The following SKAP1 variants were observed in gnomAD, a reference collection of about 807,000 sequenced individuals.
SKAP1 encodes the protein src kinase associated phosphoprotein 1, also known as src kinase-associated phosphoprotein 1.
In SKAP1, 44 loss-of-function variants were observed where a neutral mutation model predicts 58.5. The ratio of observed to expected loss-of-function variants is 0.75; its 90% CI spans 0.59 to 0.97. The LOEUF (loss-of-function observed/expected upper bound fraction) is 0.97. Ranked by LOEUF, SKAP1 falls within the 50% of genes least tolerant of loss-of-function variation. The pLI is 0.00. For synonymous variants in SKAP1, 127 were observed against 149.7 expected (o/e 0.85, Z 1.11); for missense variants, 390 against 435.2 (o/e 0.90, Z 0.92).
rs1013937696 is a variant in SKAP1 at position 48,296,383 on chromosome 17, G to C, written c.280+49522C>G. 5.3e-5 allele frequency among the ~76,000 whole-genome samples: 8 copies of C among 152,174 alleles called. No homozygotes were observed. In the Middle Eastern group the frequency reaches 0.01, roughly 194 times the overall value. Reference sequence around the variant, plus strand: ...TTGCAAACAGCTCAAAAATAAAAAGGAAAATGAAGCAAGGTGGTTGTTGTT... The same window carrying C: ...TTGCAAACAGCTCAAAAATAAAAAGCAAAATGAAGCAAGGTGGTTGTTGTT... On this transcript the variant is annotated intron_variant, in intron 4 of 12. Transcript: ENST00000336915.
Position 48,139,186 on chromosome 17 carries a change from A to AT in SKAP1, c.979-1850dup, listed in dbSNP as rs1047416962. Among the ~76,000 whole-genome samples, 726 of 145,064 alleles carry AT rather than the reference A, an allele frequency of 5.0e-3. 3 individuals carry two copies. Among genetic ancestry groups the AT allele is most frequent in the African/African-American group, 0.016 (623 of 39,622 alleles). ...GAGCCACTGTGCCTGGCCAAAATAA[A>AT]TTTTTTTTTTTTTGAGATGGAGTCT... On this transcript the variant is annotated intron_variant, in intron 11 of 12. Coordinates refer to ENST00000336915, the MANE Select transcript of SKAP1 (RefSeq NM_003726.4).
chr17:48,395,332 C>T (rs944563026), intron 2 of SKAP1, among the ~76,000 whole-genome samples: 2 of 152,052 alleles, frequency 1.3e-5, no homozygotes, highest in Middle Eastern at 3.2e-3. Context: ...TATTTGTACC[C>T]ACAGCTGCAG....
At chr17:48,223,775 T>G (rs1393828958) in intron 4 of SKAP1, among the ~76,000 whole-genome samples, 1 of 152,148 alleles carries the variant, frequency 6.6e-6, no homozygotes, top group Non-Finnish European at 1.5e-5. Context: ...CTCAGAACTT[T>G]ACTGGCATGT....
At chr17:48,242,043 G>A (rs987773850) in intron 4 of SKAP1, among the ~76,000 whole-genome samples, 68 of 152,196 alleles carry the variant, frequency 4.5e-4, no homozygotes, top group African/African-American at 1.6e-3. Context: ...CTGCTTGAAG[G>A]AGAACTGAGT....
At chr17:48,232,779 GT>G (rs1178942415) in intron 4 of SKAP1, among the ~76,000 whole-genome samples, 1 of 152,168 alleles carries the variant, frequency 6.6e-6, no homozygotes, top group African/African-American at 2.4e-5. Context: ...ACTGCTGATA[GT>G]GCCTGACAAA....
intron 4 of SKAP1, among the ~76,000 whole-genome samples, chr17:48,314,014 T>C (rs1466350266): frequency 6.6e-6 from 1 of 152,224 alleles, no homozygotes; most frequent in Non-Finnish European, 1.5e-5. Context: ...ATGAGTTGAC[T>C]TTAAAAAATG....
At chr17:48,158,709 C>T (rs1432492357) in intron 11 of SKAP1, among the ~76,000 whole-genome samples, 1 of 151,878 alleles carries the variant, frequency 6.6e-6, no homozygotes, top group Non-Finnish European at 1.5e-5. Context: ...GCCTGTAATC[C>T]CAGCATTTTG....
intron 3 of SKAP1, among the ~76,000 whole-genome samples, chr17:48,350,106 G>A (rs546492864): frequency 3.9e-5 from 6 of 152,154 alleles, no homozygotes; most frequent in Admixed American, 3.3e-4. Context: ...CAGCAAATCC[G>A]TTTAGTCCTG....
intron 1 of SKAP1, among the ~76,000 whole-genome samples, chr17:48,429,830 G>A (rs1598695256): frequency 1.3e-5 from 2 of 152,188 alleles, no homozygotes; most frequent in Admixed American, 6.5e-5. Context: ...TTTAGAAGCC[G>A]GGGAGGTGAA....
At chr17:48,395,939 G>A (rs1464665556) in intron 2 of SKAP1, among the ~76,000 whole-genome samples, 1 of 152,176 alleles carries the variant, frequency 6.6e-6, no homozygotes, top group African/African-American at 2.4e-5. Context: ...TAACCCTGCA[G>A]ATGCTCTTCC....
At chr17:48,218,842 C>T (rs16953941) in intron 4 of SKAP1, among the ~76,000 whole-genome samples, 1 of 151,802 alleles carries the variant, frequency 6.6e-6, no homozygotes, top group Non-Finnish European at 1.5e-5. Flanking sequence ...AATACTGCAC[C>T]TTGTTTCCAT....
intron 4 of SKAP1, among the ~76,000 whole-genome samples, chr17:48,292,619 C>T (rs1255369227): frequency 1.3e-5 from 2 of 152,096 alleles, no homozygotes; most frequent in Admixed American, 1.3e-4. Flanking sequence ...GTCAGAACAC[C>T]TCTCATATTT....
intron 4 of SKAP1, among the ~76,000 whole-genome samples, chr17:48,250,587 A>G (rs1004608982): frequency 7.9e-5 from 12 of 151,968 alleles, no homozygotes; most frequent in Admixed American, 6.6e-4. Flanking sequence ...GGCCATAGAT[A>G]GTTTTTTTAA....
chr17:48,383,658 T>C (rs1275895920), intron 2 of SKAP1, among the ~76,000 whole-genome samples: 1 of 151,352 alleles, frequency 6.6e-6, no homozygotes, highest in Non-Finnish European at 1.5e-5. Context: ...TCCCTGTCAG[T>C]CCCAACTCCT....
At chr17:48,280,544 AAT>A (rs2065754072) in intron 4 of SKAP1, among the ~76,000 whole-genome samples, 1 of 152,182 alleles carries the variant, frequency 6.6e-6, no homozygotes, top group African/African-American at 2.4e-5. Flanking sequence ...ATTCTTTTTA[AAT>A]GTACAGTTTA....
At chr17:48,223,107 G>T (rs1320512731) in intron 4 of SKAP1, among the ~76,000 whole-genome samples, 1 of 148,340 alleles carries the variant, frequency 6.7e-6, no homozygotes, top group Non-Finnish European at 1.5e-5. Flanking sequence ...AAGGTGCATG[G>T]TTTGAAGTCA....
chr17:48,356,265 A>AAAAT (rs543936107), intron 3 of SKAP1, among the ~76,000 whole-genome samples: 34 of 152,208 alleles, frequency 2.2e-4, no homozygotes, highest in East Asian at 1.3e-3. Flanking sequence ...CTCAAAAACT[A>AAAAT]AAATAAATAA....
the SKAP1 span, among the ~76,000 whole-genome samples, chr17:48,442,922 G>A: frequency 8.5e-5 from 13 of 152,230 alleles, no homozygotes; most frequent in South Asian, 4.1e-4. Context: ...GCTAACAAGC[G>A]TCTACCATCG....
intron 1 of SKAP1, among the ~76,000 whole-genome samples, chr17:48,405,162 T>C (rs970742602): frequency 1.3e-5 from 2 of 152,052 alleles, no homozygotes; most frequent in African/African-American, 4.8e-5. Context: ...TGGTTTGGAG[T>C]GTGTCCAACA....
Sources: allele counts gnomAD v4.1 joint callset (sites outside exome capture counted in the v4.1 genomes callset), GRCh38; gene constraint gnomAD v4.1.1; transcripts MANE v1.5; gene names NCBI Gene and HGNC (gene_info 2026-07-23, HGNC 2026-07-21).